APAF1: variants seen among roughly 807,000 people sequenced by gnomAD.
APAF1 encodes the protein apoptotic peptidase activating factor 1.
In APAF1, 91 loss-of-function variants were observed where a neutral mutation model predicts 152.4. The ratio of observed to expected loss-of-function variants is 0.60; its 90% CI spans 0.50 to 0.71. APAF1 has a LOEUF of 0.71. Ranked by LOEUF, APAF1 falls within the 30% of genes least tolerant of loss-of-function variation. APAF1 has a pLI of 0.00. For synonymous variants in APAF1, 484 were observed against 494.1 expected, an observed-to-expected ratio of 0.98 and a Z score of 0.27; for missense variants, 1,283 against 1,472.0, an observed-to-expected ratio of 0.87 and a Z score of 2.10.
At chr12:98,667,765 AT>A (rs71305589) in intron 10 of APAF1, 121 bp downstream of exon 10, 38,297 of 307,670 alleles carry the variant, frequency 0.12, 81 homozygotes, top group African/African-American at 0.2. Flanking sequence ...TTTCCATTTG[AT>A]TTTTTTTTTT....
intron 5 of APAF1, among the ~76,000 whole-genome samples, chr12:98,660,813 G>T (rs2097664104): frequency 6.6e-6 from 1 of 152,210 alleles, no homozygotes; most frequent in African/African-American, 2.4e-5. Context: ...TGCACCCAAG[G>T]ATGCAGTATA....
chr12:98,648,838 A>G (rs565949071), intron 3 of APAF1, 23 bp downstream of exon 3: 2 of 1,604,488 alleles, frequency 1.2e-6, no homozygotes, highest in East Asian at 2.2e-5. Flanking sequence ...TATACCTTCT[A>G]TCACTTTGCT....
At chr12:98,696,668 T>C (rs1002346231) in intron 16 of APAF1, among the ~76,000 whole-genome samples, 5 of 152,214 alleles carry the variant, frequency 3.3e-5, no homozygotes, top group Non-Finnish European at 5.9e-5. Flanking sequence ...TTTGTTTGTT[T>C]GTTTGTTTTT....
chr12:98,648,959 A>C (rs1224142486), intron 3 of APAF1, 144 bp downstream of exon 3: 1 of 885,274 alleles, frequency 1.1e-6, no homozygotes, highest in Non-Finnish European at 1.8e-6. Context: ...TTTCAATTTA[A>C]ATATTTTTTA....
At chr12:98,684,303 T>G (rs2097695573) in intron 15 of APAF1, among the ~76,000 whole-genome samples, 2 of 152,112 alleles carry the variant, frequency 1.3e-5, no homozygotes, top group Non-Finnish European at 2.9e-5. Context: ...AGAAGCTCAG[T>G]GTGTATAAGA....
intron 4 of APAF1, among the ~76,000 whole-genome samples, chr12:98,653,251 C>G (rs1320348967): frequency 6.6e-6 from 1 of 151,918 alleles, no homozygotes; most frequent in Non-Finnish European, 1.5e-5. Context: ...ATTGCAAAAC[C>G]TTTTCTTTTA....
intron 16 of APAF1, among the ~76,000 whole-genome samples, chr12:98,695,162 C>T (rs1410716646): frequency 3.3e-5 from 5 of 151,942 alleles, no homozygotes; most frequent in Non-Finnish European, 5.9e-5. Context: ...AAGCAGTTCT[C>T]CTGCCTCAGC....
chr12:98,668,555 A>G (rs2153318733), intron 10 of APAF1, among the ~76,000 whole-genome samples: 1 of 151,846 alleles, frequency 6.6e-6, no homozygotes, highest in East Asian at 1.9e-4. Context: ...TGCTCAGAAG[A>G]AGGACAGAGC....
rs111723316 is a variant in APAF1 at position 98,649,134 on chromosome 12, C to T, written c.328+319C>T. ...AGAGTTTATAGGAAAAAATAAGAAT[C>T]TTTAGAAATATATGTTCTTGAAAGG... On this transcript the variant is annotated intron_variant, in intron 3 of 26. Transcript: ENST00000551964. 3 of 760,696 alleles carry T rather than the reference C, an allele frequency of 3.9e-6. No individual in the cohort carries two copies. In the African/African-American group the frequency reaches 5.7e-5, roughly 14 times the overall value. The allele number at this position is 760,696 out of a possible 1,614,324, so 47.1% of individuals were successfully genotyped here. A position where few individuals can be genotyped will look rare whatever the true frequency, so the allele number is the denominator to read the frequency against.
rs372096318 is a variant in APAF1 at position 98,648,520 on chromosome 12, A to G, written c.138+23A>G. On this transcript the variant is annotated intron_variant, in intron 2 of 26. Coordinates refer to ENST00000551964, the MANE Select transcript of APAF1 (RefSeq NM_181861.2). ...GAGGTAAAGCTCTCTGAAGCAGTCCACACTTCCTTAAAAATTTTTAGAATT... is the reference window on the plus strand; with the variant it reads ...GAGGTAAAGCTCTCTGAAGCAGTCCGCACTTCCTTAAAAATTTTTAGAATT... The G allele has an allele frequency of 4.3e-6, 7 of 1,610,680 alleles. No homozygotes were observed. In the African/African-American group the frequency reaches 9.4e-5, roughly 22 times the overall value.
chr12:98,723,986 A>G (rs2097746787), intron 24 of APAF1, among the ~76,000 whole-genome samples: 1 of 152,258 alleles, frequency 6.6e-6, no homozygotes. Flanking sequence ...CTTTTTGTCT[A>G]TAACTAATCA....
intron 7 of APAF1, among the ~76,000 whole-genome samples, chr12:98,663,554 T>G (rs1403622300): frequency 6.6e-6 from 1 of 152,186 alleles, no homozygotes; most frequent in Non-Finnish European, 1.5e-5. Context: ...TGTTGTATTC[T>G]TTTGACATAT....
At chr12:98,670,126 G>T (rs1188280322) in intron 10 of APAF1, among the ~76,000 whole-genome samples, 1 of 151,990 alleles carries the variant, frequency 6.6e-6, no homozygotes, top group Non-Finnish European at 1.5e-5. Context: ...TGTATGTTTT[G>T]TAGAGTTGAG....
At chr12:98,687,713 A>AT (rs934741008) in intron 16 of APAF1, among the ~76,000 whole-genome samples, 10 of 152,200 alleles carry the variant, frequency 6.6e-5, no homozygotes, top group Non-Finnish European at 1.3e-4. Flanking sequence ...CCATCTCTCA[A>AT]TACTTGCATC....
Position 98,682,266 on chromosome 12 carries a change from G to T in APAF1, c.2047-877G>T, listed in dbSNP as rs377478232. Among the ~76,000 whole-genome samples, 91 of 151,790 alleles carry T rather than the reference G, an allele frequency of 6.0e-4. 1 individual carries two copies. Among genetic ancestry groups the T allele is most frequent in the African/African-American group, 1.7e-3 (71 of 41,392 alleles). On this transcript the variant is annotated intron_variant, in intron 14 of 26. Transcript: ENST00000551964. ...GACGGGGTTTCACCATGTTAGCCAG[G>T]ATGGTGTTGATCTCCTGACCTCGTG...
chr12:98,681,745 A>AAGTGGTGGGCCAAGTAGGTGCC (rs1372954896), intron 14 of APAF1, among the ~76,000 whole-genome samples: 7 of 152,222 alleles, frequency 4.6e-5, no homozygotes, highest in Admixed American at 3.3e-4. Context: ...GGAGGTGGCC[A>AAGTGGTGGGCCAAGTAGGTGCC]CTGAGGGCAG....
At chr12:98,686,637 A>G in intron 15 of APAF1, 111 bp from the exon 16 acceptor site, 1 of 1,086,912 alleles carries the variant, frequency 9.2e-7, no homozygotes, top group South Asian at 1.5e-5. Context: ...ATTAAACATC[A>G]TTCTGTAATC....
intron 12 of APAF1, among the ~76,000 whole-genome samples, chr12:98,674,513 G>A (rs1267282031): frequency 6.6e-6 from 1 of 151,948 alleles, no homozygotes; most frequent in East Asian, 1.9e-4. Flanking sequence ...GTCTGTATTC[G>A]AGAGAACTGT....
In APAF1 at chr12:98,667,649, G is replaced by T. The variant is rs752792108; in HGVS notation, c.1494+5G>T. 1.2e-6 allele frequency: 2 copies of T among 1,611,996 alleles called. No individual in the cohort carries two copies. The highest frequency in any genetic ancestry group is 1.7e-6 in the Non-Finnish European group (2 of 1,179,316). ...GCCAGTGCCAAGATGCACAAGGTAAGATGACCCATTTAAAAATTCTTTTAT... is the reference window on the plus strand; with the variant it reads ...GCCAGTGCCAAGATGCACAAGGTAATATGACCCATTTAAAAATTCTTTTAT... On this transcript the variant is annotated splice_donor_5th_base_variant and intron_variant, in intron 10 of 26. Transcript: ENST00000551964.
Sources: gnomAD v4.1 joint callset for allele counts (sites outside exome capture counted in the v4.1 genomes callset) on GRCh38, gnomAD v4.1.1 for gene constraint, MANE v1.5 for transcripts, NCBI Gene and HGNC (gene_info 2026-07-23, HGNC 2026-07-21) for gene names.